DPYD: variants seen among roughly 807,000 people sequenced by gnomAD.
The protein encoded by DPYD is dihydropyrimidine dehydrogenase [NADP(+)].
In DPYD, 109 loss-of-function variants were observed where a neutral mutation model predicts 116.2. The ratio of observed to expected loss-of-function variants is 0.94; its 90% CI spans 0.80 to 1.10. The LOEUF is 1.10. Ranked by LOEUF, DPYD falls within the 50% of genes least tolerant of loss-of-function variation. DPYD has a pLI of 0.00. For synonymous variants in DPYD, 440 were observed against 432.0 expected (o/e 1.02, Z -0.23); for missense variants, 1,302 against 1,254.5 (o/e 1.04, Z -0.57).
At chr1:97,420,679 T>C (rs1276346901) in intron 14 of DPYD, among the ~76,000 whole-genome samples, 2 of 152,136 alleles carry the variant, frequency 1.3e-5, no homozygotes, top group Non-Finnish European at 2.9e-5. Flanking sequence ...TATTCTCCCA[T>C]CTGTATTCAG....
intron 18 of DPYD, among the ~76,000 whole-genome samples, chr1:97,252,556 A>G (rs935680458): frequency 5.3e-5 from 8 of 152,204 alleles, no homozygotes; most frequent in Non-Finnish European, 7.3e-5. Context: ...GGCATTGGGC[A>G]TCACAGATAT....
intron 17 of DPYD, among the ~76,000 whole-genome samples, chr1:97,305,974 AG>A (rs542236559): frequency 7.9e-5 from 12 of 152,104 alleles, no homozygotes; most frequent in African/African-American, 1.9e-4. Context: ...TTGTGTTTCC[AG>A]ATCAAAATTC....
At chr1:97,316,939 G>GTT (rs60827447) in intron 16 of DPYD, among the ~76,000 whole-genome samples, 2 of 151,024 alleles carry the variant, frequency 1.3e-5, no homozygotes, top group East Asian at 3.9e-4. Context: ...ATTTTATCAT[G>GTT]TTTTTTTTGT....
rs17432999 is a variant in DPYD, at chr1:97,234,689, T to C, written c.2442+163A>G. On this transcript the variant is annotated intron_variant, in intron 19 of 22. Transcript: ENST00000370192. The stretch of plus-strand genomic sequence containing the variant: ...GGACAGGAAATAAACCTCAGGTCTC[T>C]TCATAACTTGTCAGAGGAACTTAAT... Among the ~76,000 whole-genome samples, 5,891 of 152,280 alleles carry C rather than the reference T, an allele frequency of 0.039. 165 individuals carry two copies. The highest frequency in any genetic ancestry group is 0.056 in the Non-Finnish European group (3,814 of 68,032).
At chr1:97,584,589 C>T (rs551199347) in intron 10 of DPYD, among the ~76,000 whole-genome samples, 1 of 151,606 alleles carries the variant, frequency 6.6e-6, no homozygotes, top group South Asian at 2.1e-4. Flanking sequence ...ATTTTTGTGG[C>T]ACATATACAC....
intron 13 of DPYD, among the ~76,000 whole-genome samples, chr1:97,500,596 C>T (rs1679523028): frequency 1.3e-5 from 2 of 150,534 alleles, no homozygotes; most frequent in African/African-American, 4.9e-5. Context: ...TAGAATCATA[C>T]AAGGCGTAGA....
intron 18 of DPYD, among the ~76,000 whole-genome samples, chr1:97,297,982 T>C (rs1666632846): frequency 6.6e-6 from 1 of 152,172 alleles, no homozygotes; most frequent in African/African-American, 2.4e-5. Flanking sequence ...GTGAATGTTA[T>C]TCCCTACTCT....
At chr1:97,919,304 A>G (rs1181419051) in intron 1 of DPYD, among the ~76,000 whole-genome samples, 1 of 152,224 alleles carries the variant, frequency 6.6e-6, no homozygotes, top group Non-Finnish European at 1.5e-5. Context: ...ACTAAGGTTG[A>G]ATTGAGTGGA....
chr1:97,508,738 T>TA (rs1374957504), intron 13 of DPYD, among the ~76,000 whole-genome samples: 1 of 151,950 alleles, frequency 6.6e-6, no homozygotes, highest in Non-Finnish European at 1.5e-5. Context: ...TTGTATCAAA[T>TA]AGACCTTGGT....
At chr1:97,753,831 A>G (rs1665073349) in intron 3 of DPYD, among the ~76,000 whole-genome samples, 1 of 152,120 alleles carries the variant, frequency 6.6e-6, no homozygotes, top group East Asian at 1.9e-4. Context: ...ATAAAAATAT[A>G]TAATGGATAA....
At chr1:97,313,820 T>C (rs375001406) in intron 16 of DPYD, among the ~76,000 whole-genome samples, 1 of 151,948 alleles carries the variant, frequency 6.6e-6, no homozygotes, top group African/African-American at 2.4e-5. Context: ...ATAGTCATCT[T>C]CTCTGTTCCA....
chr1:97,411,622 A>T (rs1673998693), intron 14 of DPYD, among the ~76,000 whole-genome samples: 1 of 152,218 alleles, frequency 6.6e-6, no homozygotes, highest in African/African-American at 2.4e-5. Context: ...AATACTCATA[A>T]ATCATTCCTT....
intron 14 of DPYD, among the ~76,000 whole-genome samples, chr1:97,410,210 G>A (rs1297870105): frequency 1.3e-5 from 2 of 151,966 alleles, no homozygotes; most frequent in African/African-American, 4.8e-5. Flanking sequence ...CAGCTGAAAT[G>A]TAAGCTCCAA....
intron 3 of DPYD, among the ~76,000 whole-genome samples, chr1:97,787,434 G>T (rs187074093): frequency 1.3e-5 from 2 of 152,254 alleles, no homozygotes; most frequent in Admixed American, 1.3e-4. Context: ...TAGAATAATG[G>T]CAGTCATCCA....
chr1:97,498,184 C>T (rs1008356942), intron 13 of DPYD, among the ~76,000 whole-genome samples: 2 of 151,518 alleles, frequency 1.3e-5, no homozygotes, highest in Non-Finnish European at 3.0e-5. Context: ...GGAGTAACTG[C>T]TAATGGGTAT....
intron 14 of DPYD, among the ~76,000 whole-genome samples, chr1:97,405,477 GT>G (rs758327494): frequency 6.6e-6 from 1 of 151,840 alleles, no homozygotes; most frequent in South Asian, 2.1e-4. Context: ...ACATTGGTGA[GT>G]TTTTTTCTCT....
intron 12 of DPYD, among the ~76,000 whole-genome samples, chr1:97,523,557 G>C (rs1051772628): frequency 6.6e-6 from 1 of 151,960 alleles, no homozygotes; most frequent in Non-Finnish European, 1.5e-5. Flanking sequence ...AATCCCAATT[G>C]TGATCTGGGC....
intron 16 of DPYD, among the ~76,000 whole-genome samples, chr1:97,369,271 A>G (rs1671192310): frequency 1.3e-5 from 2 of 152,276 alleles, no homozygotes; most frequent in Admixed American, 1.3e-4. Flanking sequence ...GGATGCTAAT[A>G]CACCAGAGAA....
At chr1:97,173,241 T>C (rs113812521) in intron 20 of DPYD, among the ~76,000 whole-genome samples, 1,439 of 124,854 alleles carry the variant, frequency 0.012, 15 homozygotes, top group African/African-American at 0.039. Flanking sequence ...TGCGCACACA[T>C]ATATGTACAT....
Sources: allele counts gnomAD v4.1 joint callset (sites outside exome capture counted in the v4.1 genomes callset), GRCh38; gene constraint gnomAD v4.1.1; transcripts MANE v1.5; gene names NCBI Gene and HGNC (gene_info 2026-07-23, HGNC 2026-07-21).